ATP8A2: variants seen among roughly 807,000 people sequenced by gnomAD.
ATP8A2 encodes the protein ATPase phospholipid transporting 8A2.
A neutral mutation model predicts 165.6 loss-of-function variants in ATP8A2; 100 were observed. The ratio of observed to expected loss-of-function variants is 0.60; its 90% CI spans 0.51 to 0.71. ATP8A2 has a LOEUF of 0.71. ATP8A2 is among the 30% of genes least tolerant of loss of function. The pLI is 0.00. For synonymous variants in ATP8A2, 543 were observed against 548.8 expected (o/e 0.99, Z 0.15); for missense variants, 1,227 against 1,479.5 (o/e 0.83, Z 2.80).
At chr13:25,622,734 C>T (rs2041002900) in intron 24 of ATP8A2, among the ~76,000 whole-genome samples, 1 of 152,128 alleles carries the variant, frequency 6.6e-6, no homozygotes, top group African/African-American at 2.4e-5. Flanking sequence ...CCTCTTAGCT[C>T]CCTTTAGCTG....
chr13:25,468,400 C>A (rs2035730020), intron 1 of ATP8A2, among the ~76,000 whole-genome samples: 1 of 152,168 alleles, frequency 6.6e-6, no homozygotes, highest in African/African-American at 2.4e-5. Context: ...AGCTCTTCAC[C>A]CTGGGGTCTC....
intron 28 of ATP8A2, among the ~76,000 whole-genome samples, chr13:25,836,637 C>G (rs1593425159): frequency 6.6e-6 from 1 of 152,164 alleles, no homozygotes; most frequent in Non-Finnish European, 1.5e-5. Flanking sequence ...TCCTGGAGGT[C>G]CTAATTCCTT....
At chr13:25,894,576 T>G (rs1953476065) in intron 33 of ATP8A2, among the ~76,000 whole-genome samples, 3 of 152,200 alleles carry the variant, frequency 2.0e-5, no homozygotes, top group Non-Finnish European at 2.9e-5. Flanking sequence ...GTGAAGAAAG[T>G]CATTGGTAGC....
chr13:26,010,633 C>T (rs1338188471), intron 35 of ATP8A2, among the ~76,000 whole-genome samples: 1 of 152,190 alleles, frequency 6.6e-6, no homozygotes, highest in African/African-American at 2.4e-5. Context: ...TGTGGACAGT[C>T]GGTGATGGCA....
At chr13:25,707,143 G>A (rs10492428) in intron 25 of ATP8A2, among the ~76,000 whole-genome samples, 12,972 of 152,124 alleles carry the variant, frequency 0.085, 582 homozygotes, top group Non-Finnish European at 0.1. Context: ...AATCATTGTA[G>A]AGGCCAGAAT....
chr13:25,791,699 C>T (rs1039572624), intron 27 of ATP8A2, among the ~76,000 whole-genome samples: 8 of 152,206 alleles, frequency 5.3e-5, no homozygotes, highest in East Asian at 1.9e-4. Context: ...TATTCATCAT[C>T]CTCCCTTCAG....
chr13:25,544,006 A>G (rs2038565497), intron 10 of ATP8A2, among the ~76,000 whole-genome samples: 1 of 152,220 alleles, frequency 6.6e-6, no homozygotes, highest in Non-Finnish European at 1.5e-5. Context: ...ATCACTTGGC[A>G]TCTTATTTTT....
intron 35 of ATP8A2, among the ~76,000 whole-genome samples, chr13:26,002,715 T>A (rs891936796): frequency 6.6e-5 from 10 of 152,124 alleles, no homozygotes; most frequent in Admixed American, 2.0e-4. Context: ...TTTTTAAGAT[T>A]CCATATATAA....
At chr13:25,579,219 C>T (rs1157123760) in intron 21 of ATP8A2, among the ~76,000 whole-genome samples, 1 of 152,148 alleles carries the variant, frequency 6.6e-6, no homozygotes, top group African/African-American at 2.4e-5. Context: ...TTATCCATGA[C>T]TTAAGGAAAT....
rs2035752188 is a variant in ATP8A2, at chr13:25,468,864, C to T, written c.77-113C>T. 9 of 1,524,896 alleles carry T rather than the reference C, an allele frequency of 5.9e-6. No homozygotes were observed. In the Admixed American group the frequency reaches 1.5e-4, roughly 26 times the overall value. 94.5% of individuals were successfully genotyped at this position (1,524,896 alleles called of 1,614,324 possible). ...AGGTACGTAGGCGGCGTCCGCCTCA[C>T]CCGAGCATCCTTCCCCGCCGGTGGC... On this transcript the variant is annotated intron_variant, in intron 1 of 36. Coordinates refer to ENST00000381655, the MANE Select transcript of ATP8A2 (RefSeq NM_016529.6).
intron 27 of ATP8A2, among the ~76,000 whole-genome samples, chr13:25,777,822 G>C (rs1413786347): frequency 6.6e-6 from 1 of 152,156 alleles, no homozygotes; most frequent in African/African-American, 2.4e-5. Flanking sequence ...TATAAAAGTG[G>C]ATTTTTCTGT....
chr13:25,547,401 C>T (rs1157406865), intron 10 of ATP8A2, among the ~76,000 whole-genome samples: 2 of 152,004 alleles, frequency 1.3e-5, no homozygotes, highest in South Asian at 4.2e-4. Flanking sequence ...GCATTAGATT[C>T]TCATAGGAGC....
intron 24 of ATP8A2, among the ~76,000 whole-genome samples, chr13:25,598,384 GA>G (rs2040293696): frequency 6.6e-6 from 1 of 152,116 alleles, no homozygotes; most frequent in African/African-American, 2.4e-5. Context: ...GATTCCTCCA[GA>G]AAGCCTATTG....
At chr13:25,786,915 C>T (rs2045043683) in intron 27 of ATP8A2, among the ~76,000 whole-genome samples, 1 of 152,014 alleles carries the variant, frequency 6.6e-6, no homozygotes, top group Non-Finnish European at 1.5e-5. Flanking sequence ...ACCACCATAC[C>T]CGGCTAATTT....
intron 35 of ATP8A2, among the ~76,000 whole-genome samples, chr13:26,011,930 C>A (rs1566351034): frequency 2.8e-5 from 4 of 142,156 alleles, no homozygotes; most frequent in African/African-American, 9.9e-5. Context: ...GAGACCCCAT[C>A]TTTTTAAAAA....
At chr13:25,612,545 G>A (rs1021735526) in intron 24 of ATP8A2, among the ~76,000 whole-genome samples, 3 of 152,106 alleles carry the variant, frequency 2.0e-5, no homozygotes, top group Non-Finnish European at 2.9e-5. Context: ...TACTTGTTTT[G>A]TGGCCTATCA....
chr13:25,942,397 T>C (rs1421481614), intron 33 of ATP8A2, among the ~76,000 whole-genome samples: 1 of 152,234 alleles, frequency 6.6e-6, no homozygotes, highest in African/African-American at 2.4e-5. Flanking sequence ...ACAAAAGTTT[T>C]CCATTGTTAA....
chr13:26,015,502 T>TA (rs1956949652), intron 36 of ATP8A2, among the ~76,000 whole-genome samples: 1 of 152,218 alleles, frequency 6.6e-6, no homozygotes, highest in African/African-American at 2.4e-5. Context: ...TTAGGAATCT[T>TA]TCCAGACAGG....
At chr13:25,870,107 G>A (rs913658289) in intron 33 of ATP8A2, among the ~76,000 whole-genome samples, 2 of 152,156 alleles carry the variant, frequency 1.3e-5, no homozygotes, top group Non-Finnish European at 2.9e-5. Context: ...TTGACAGCCC[G>A]GCTGTCCTCC....
Sources: allele counts gnomAD v4.1 joint callset (sites outside exome capture counted in the v4.1 genomes callset), GRCh38; gene constraint gnomAD v4.1.1; transcripts MANE v1.5; gene names NCBI Gene and HGNC (gene_info 2026-07-23, HGNC 2026-07-21).